C12orf42: variants seen among roughly 807,000 people sequenced by gnomAD.
C12orf42 encodes chromosome 12 open reading frame 42.
C12orf42 carries 25 observed loss-of-function variants against 21.6 expected under a neutral mutation model. The observed-to-expected ratio is 1.16, with a 90% CI of 0.84 to 1.62. The LOEUF is 1.62. Ranked by LOEUF, C12orf42 falls within the 40% of genes most tolerant of loss-of-function variation. The pLI, the probability that C12orf42 is intolerant of heterozygous loss-of-function variation, is 0.00. For synonymous variants in C12orf42, 174 were observed against 175.0 expected (o/e 0.99, Z 0.05); for missense variants, 483 against 459.3 (o/e 1.05, Z -0.47).
the C12orf42 span, among the ~76,000 whole-genome samples, chr12:103,069,160 C>T: frequency 6.6e-6 from 1 of 151,112 alleles, no homozygotes; most frequent in East Asian, 1.9e-4. Flanking sequence ...CTTAACCCAT[C>T]AGTTGAATTT....
At chr12:103,076,417 T>G in the C12orf42 span, among the ~76,000 whole-genome samples, 1 of 151,966 alleles carries the variant, frequency 6.6e-6, no homozygotes, top group African/African-American at 2.4e-5. Context: ...ACCACCATCA[T>G]GTTGGCCAGT....
intron 3 of C12orf42, chr12:103,378,831 A>T (rs866012796): frequency 2.0e-5 from 3 of 152,222 alleles, no homozygotes; most frequent in Admixed American, 1.3e-4. Context: ...TGTTGCTGTG[A>T]ATGTTTAAGT....
the C12orf42 span, among the ~76,000 whole-genome samples, chr12:103,521,334 C>T: frequency 8.9e-4 from 135 of 152,244 alleles, no homozygotes; most frequent in Non-Finnish European, 6.8e-4. Context: ...GAGGTGCCAT[C>T]GAATACTATG....
the C12orf42 span, among the ~76,000 whole-genome samples, chr12:103,093,178 TTTC>T: frequency 6.6e-6 from 1 of 152,152 alleles, no homozygotes; most frequent in Non-Finnish European, 1.5e-5. Flanking sequence ...TCACACCTGG[TTTC>T]TTATTTTTCA....
chr12:103,431,240 T>A (rs1950243137), intron 2 of C12orf42: 1 of 152,186 alleles, frequency 6.6e-6, no homozygotes, highest in Non-Finnish European at 1.5e-5. Flanking sequence ...GATACCATTA[T>A]TTCCATTTTC....
At chr12:103,221,797 A>G in the C12orf42 span, among the ~76,000 whole-genome samples, 2 of 152,148 alleles carry the variant, frequency 1.3e-5, no homozygotes, top group Non-Finnish European at 2.9e-5. Context: ...GTTCCTTGCA[A>G]TGCCAAAGTC....
intron 2 of C12orf42, among the ~76,000 whole-genome samples, chr12:103,451,859 C>T (rs1410089908): frequency 6.6e-6 from 1 of 152,022 alleles, no homozygotes; most frequent in Non-Finnish European, 1.5e-5. Flanking sequence ...CCAGCCTCTG[C>T]TTGTAGCCCA....
chr12:103,129,638 G>C, the C12orf42 span, among the ~76,000 whole-genome samples: 6 of 152,074 alleles, frequency 3.9e-5, no homozygotes, highest in Non-Finnish European at 8.8e-5. Flanking sequence ...CCTTTGTTAT[G>C]ACATCTCTCT....
At chr12:103,354,860 T>C (rs1243213922) in intron 4 of C12orf42, among the ~76,000 whole-genome samples, 1 of 152,042 alleles carries the variant, frequency 6.6e-6, no homozygotes, top group African/African-American at 2.4e-5. Context: ...GCCTGGCCTA[T>C]GGTTAACAAT....
chr12:103,431,942 G>A (rs1031727737), intron 2 of C12orf42, among the ~76,000 whole-genome samples: 9 of 152,126 alleles, frequency 5.9e-5, no homozygotes, highest in Non-Finnish European at 8.8e-5. Context: ...AAACTTTAGC[G>A]CAGGAATGAA....
chr12:103,198,863 C>G, the C12orf42 span, among the ~76,000 whole-genome samples: 1 of 152,196 alleles, frequency 6.6e-6, no homozygotes, highest in Non-Finnish European at 1.5e-5. Flanking sequence ...AGGATTTACT[C>G]AGAATGTGCC....
the C12orf42 span, among the ~76,000 whole-genome samples, chr12:103,141,444 C>G: frequency 6.6e-6 from 1 of 151,874 alleles, no homozygotes; most frequent in East Asian, 1.9e-4. Flanking sequence ...GTTTAAGAAG[C>G]CGAATGATAT....
At chr12:103,187,775 A>G in the C12orf42 span, among the ~76,000 whole-genome samples, 3 of 152,202 alleles carry the variant, frequency 2.0e-5, no homozygotes, top group Non-Finnish European at 4.4e-5. Flanking sequence ...AGTTTTGGGT[A>G]AGACAATTCA....
At chr12:103,339,693 C>G (rs1023401437) in intron 4 of C12orf42, among the ~76,000 whole-genome samples, 1 of 152,130 alleles carries the variant, frequency 6.6e-6, no homozygotes, top group Non-Finnish European at 1.5e-5. Flanking sequence ...CAAAAAATAA[C>G]AGATGCTGGT....
chr12:103,249,681 C>T (rs553347351), intron 10 of C12orf42, among the ~76,000 whole-genome samples: 3 of 152,186 alleles, frequency 2.0e-5, no homozygotes, highest in African/African-American at 7.2e-5. Context: ...AGGGACTACC[C>T]AGTTTCAGTA....
chr12:103,534,004 T>G, the C12orf42 span, among the ~76,000 whole-genome samples: 8 of 152,230 alleles, frequency 5.3e-5, no homozygotes, highest in African/African-American at 1.7e-4. Context: ...TTGTACAAAT[T>G]AAATGAAGTA....
intron 5 of C12orf42, among the ~76,000 whole-genome samples, chr12:103,272,840 A>C (rs1187507196): frequency 6.6e-6 from 1 of 152,186 alleles, no homozygotes; most frequent in Non-Finnish European, 1.5e-5. Context: ...CCACAGCAAG[A>C]AGGAATGATC....
At chr12:103,513,863 AC>A in the C12orf42 span, among the ~76,000 whole-genome samples, 2 of 152,224 alleles carry the variant, frequency 1.3e-5, no homozygotes, top group Non-Finnish European at 2.9e-5. Context: ...AAAAAAAAAA[AC>A]AAGTATATGC....
rs554603018 is a variant in C12orf42 at position 103,302,325 on chromosome 12, G to A, written c.866C>T (p.Pro289Leu). Reference protein sequence around the residue: ...AMAPEMLPKHPHTPRDRRPQA... With the variant: ...AMAPEMLPKHLHTPRDRRPQA... ...AGGCCTCCTGTCCCGCGGGGTATGA[G>A]GATGCTTGGGGAGCATCTCCGGCGC... Residue 289 changes from proline (P) to leucine (L), a missense_variant, in exon 6 of 6, where the codon CCT becomes CTT. Pro to Leu is a moderately conservative substitution (Grantham distance 98). Coordinates refer to ENST00000548883, the MANE Select transcript of C12orf42 (RefSeq NM_198521.5). 365 of 1,613,978 alleles carry A rather than the reference G, an allele frequency of 2.3e-4. 6 individuals carry two copies. In the South Asian group the frequency reaches 3.6e-3, roughly 16 times the overall value.
Sources: gnomAD v4.1 joint callset for allele counts (sites outside exome capture counted in the v4.1 genomes callset) on GRCh38, gnomAD v4.1.1 for gene constraint, MANE v1.5 for transcripts, NCBI Gene and HGNC (gene_info 2026-07-23, HGNC 2026-07-21) for gene names.